The following NUBPL variants were observed in gnomAD, a reference collection of about 807,000 sequenced individuals.
The protein encoded by NUBPL is iron-sulfur cluster transfer protein NUBPL.
In NUBPL, 31 loss-of-function variants were observed where a neutral mutation model predicts 45.7. That is an observed-to-expected ratio of 0.68 (90% CI 0.51 to 0.92). The LOEUF is 0.92. Among genes scored for constraint, NUBPL ranks in the 40% least tolerant of loss-of-function variants. The probability of loss-of-function intolerance (pLI) is 0.00; values close to 1 mark genes in which losing one functional copy is unlikely to be tolerated. For synonymous variants in NUBPL, 144 were observed against 140.9 expected, an observed-to-expected ratio of 1.02 and a Z score of -0.15; for missense variants, 401 against 398.7, an observed-to-expected ratio of 1.01 and a Z score of -0.05.
At chr14:31,703,638 A>G (rs2037384633) in intron 6 of NUBPL, among the ~76,000 whole-genome samples, 1 of 152,194 alleles carries the variant, frequency 6.6e-6, no homozygotes, top group South Asian at 2.1e-4. Context: ...TGTGAGACTT[A>G]TTCACTGTCT....
At chr14:31,580,172 G>A (rs2033824225) in intron 3 of NUBPL, among the ~76,000 whole-genome samples, 1 of 152,182 alleles carries the variant, frequency 6.6e-6, no homozygotes. Flanking sequence ...TACTTTACAT[G>A]TGCTGTGTGC....
intron 7 of NUBPL, among the ~76,000 whole-genome samples, chr14:31,822,344 A>T (rs1331166686): frequency 2.6e-5 from 4 of 152,158 alleles, no homozygotes; most frequent in African/African-American, 9.7e-5. Context: ...TTAAAATAAA[A>T]TTTAAAATAA....
intron 4 of NUBPL, among the ~76,000 whole-genome samples, chr14:31,644,061 T>A (rs1158175753): frequency 6.6e-6 from 1 of 152,054 alleles, no homozygotes; most frequent in Non-Finnish European, 1.5e-5. Flanking sequence ...AGCTAAAGAT[T>A]TGTCAATTTT....
At chr14:31,818,121 A>C (rs539774212) in intron 7 of NUBPL, among the ~76,000 whole-genome samples, 1 of 152,322 alleles carries the variant, frequency 6.6e-6, no homozygotes, top group South Asian at 2.1e-4. Flanking sequence ...AGAGCTAACT[A>C]TCCTAAATAT....
chr14:31,667,965 G>A (rs1042186850), intron 4 of NUBPL: 3 of 154,096 alleles, frequency 1.9e-5, no homozygotes, highest in Non-Finnish European at 4.3e-5. Context: ...GCCAGCTGGA[G>A]CTGTCCTGTA....
In NUBPL at chr14:31,628,025, TTCTG is replaced by T. The variant is rs936554859; in HGVS notation, c.382+28650_382+28653del. ...TCTTGCTTAATAGAAGACTGCCAGA[TTCTG>T]TCTACTTTTGCATTTATTCTGTTGT... On this transcript the variant is annotated intron_variant, in intron 4 of 10. Coordinates refer to ENST00000281081, the MANE Select transcript of NUBPL (RefSeq NM_025152.3). Among the ~76,000 whole-genome samples the T allele has an allele frequency of 3.2e-4, 48 of 152,218 alleles. 1 individual carries two copies. Among genetic ancestry groups the T allele is most frequent in the Admixed American group, 3.1e-3 (48 of 15,274 alleles).
chr14:31,761,295 TC>T (rs1391286021), intron 6 of NUBPL, among the ~76,000 whole-genome samples: 1 of 152,126 alleles, frequency 6.6e-6, no homozygotes, highest in Admixed American at 6.6e-5. Flanking sequence ...CAAGTGATTC[TC>T]CCACCTCAGC....
intron 4 of NUBPL, among the ~76,000 whole-genome samples, chr14:31,637,934 T>G (rs1485475385): frequency 1.3e-5 from 2 of 152,200 alleles, no homozygotes; most frequent in African/African-American, 4.8e-5. Flanking sequence ...TATTTTCCAT[T>G]TGCTTGGTAG....
At chr14:31,785,966 T>A (rs1366390469) in intron 6 of NUBPL, among the ~76,000 whole-genome samples, 1 of 152,008 alleles carries the variant, frequency 6.6e-6, no homozygotes, top group Non-Finnish European at 1.5e-5. Flanking sequence ...TAAGACCAGC[T>A]TGGCAACATG....
chr14:31,683,403 T>A (rs2153558), intron 6 of NUBPL, among the ~76,000 whole-genome samples: 1 of 142,540 alleles, frequency 7.0e-6, no homozygotes, highest in African/African-American at 2.7e-5. Flanking sequence ...TCTGTCACTA[T>A]GCTGTAGCTC....
At chr14:31,656,876 C>T (rs1282402405) in intron 4 of NUBPL, among the ~76,000 whole-genome samples, 1 of 152,102 alleles carries the variant, frequency 6.6e-6, no homozygotes, top group Non-Finnish European at 1.5e-5. Context: ...GTAAAAAATG[C>T]AGTAACTGCA....
At chr14:31,753,781 T>A (rs1189720734) in intron 6 of NUBPL, among the ~76,000 whole-genome samples, 1 of 152,164 alleles carries the variant, frequency 6.6e-6, no homozygotes, top group African/African-American at 2.4e-5. Flanking sequence ...GTTTCTGTGC[T>A]TCACAGGGTT....
chr14:31,613,042 T>G (rs1282378275), intron 4 of NUBPL, among the ~76,000 whole-genome samples: 1 of 152,188 alleles, frequency 6.6e-6, no homozygotes, highest in African/African-American at 2.4e-5. Flanking sequence ...GAAGGCAACC[T>G]AAGTGTCCAT....
At chr14:31,627,919 A>G (rs540319659) in intron 4 of NUBPL, among the ~76,000 whole-genome samples, 1 of 152,342 alleles carries the variant, frequency 6.6e-6, no homozygotes, top group Non-Finnish European at 1.5e-5. Context: ...TGTGAATAAC[A>G]TTTTAATGAA....
chr14:31,585,419 G>T (rs1468194534), intron 3 of NUBPL, among the ~76,000 whole-genome samples: 1 of 152,194 alleles, frequency 6.6e-6, no homozygotes, highest in Non-Finnish European at 1.5e-5. Context: ...TGTATGGATG[G>T]ATCATATTCT....
At chr14:31,710,172 T>C (rs2037538382) in intron 6 of NUBPL, among the ~76,000 whole-genome samples, 1 of 152,108 alleles carries the variant, frequency 6.6e-6, no homozygotes, top group African/African-American at 2.4e-5. Context: ...TGGGTCAAAT[T>C]GGTCCCAATG....
At chr14:31,603,248 C>T (rs1376911367) in intron 4 of NUBPL, among the ~76,000 whole-genome samples, 2 of 138,958 alleles carry the variant, frequency 1.4e-5, no homozygotes, top group Non-Finnish European at 3.0e-5. Context: ...TGCAGTGAGC[C>T]ATGACTGCAC....
intron 6 of NUBPL, among the ~76,000 whole-genome samples, chr14:31,777,114 T>C (rs1342741595): frequency 6.6e-6 from 1 of 152,226 alleles, no homozygotes; most frequent in Non-Finnish European, 1.5e-5. Flanking sequence ...CCAAAGGTTC[T>C]ATAGATTAAA....
intron 3 of NUBPL, among the ~76,000 whole-genome samples, chr14:31,580,203 T>A (rs1198263911): frequency 3.3e-5 from 5 of 152,216 alleles, no homozygotes; most frequent in Non-Finnish European, 7.4e-5. Flanking sequence ...CCTAGAGATG[T>A]AGTGGTAAAA....
Sources: gnomAD v4.1 joint callset for allele counts (sites outside exome capture counted in the v4.1 genomes callset) on GRCh38, gnomAD v4.1.1 for gene constraint, MANE v1.5 for transcripts, NCBI Gene and HGNC (gene_info 2026-07-23, HGNC 2026-07-21) for gene names.